The following ITGBL1 variants were observed in gnomAD, a reference collection of about 807,000 sequenced individuals.
The protein encoded by ITGBL1 is integrin subunit beta like 1.
In ITGBL1, 51 loss-of-function variants were observed where a neutral mutation model predicts 68.5. The observed-to-expected ratio is 0.74, with a 90% CI of 0.59 to 0.94. The LOEUF (loss-of-function observed/expected upper bound fraction) is 0.94, where lower values mean the gene tolerates loss of function less well. Among genes scored for constraint, ITGBL1 ranks in the 40% least tolerant of loss-of-function variants. The probability of loss-of-function intolerance (pLI) is 0.00; values close to 1 mark genes in which losing one functional copy is unlikely to be tolerated. For synonymous variants in ITGBL1, 209 were observed against 227.3 expected (o/e 0.92, Z 0.72); for missense variants, 649 against 647.4 (o/e 1.00, Z -0.03).
At chr13:101,713,149 G>A (rs2034554584) in intron 9 of ITGBL1, 1 of 152,140 alleles carries the variant, frequency 6.6e-6, no homozygotes, top group Non-Finnish European at 1.5e-5. Flanking sequence ...TTGGACTTTG[G>A]GGATTTTTGC....
chr13:101,570,448 T>C (rs910335431), intron 3 of ITGBL1, among the ~76,000 whole-genome samples: 3 of 152,172 alleles, frequency 2.0e-5, no homozygotes, highest in African/African-American at 4.8e-5. Context: ...GAAAATGGTA[T>C]TTGAATAAAA....
At chr13:101,692,480 G>A (rs2033901440) in intron 7 of ITGBL1, 105 bp from the exon 8 acceptor site, 1 of 752,056 alleles carries the variant, frequency 1.3e-6, no homozygotes, top group Admixed American at 1.8e-5. Context: ...GCACAGACTG[G>A]AACTATTCTA....
rs1242094686 is a variant in ITGBL1, at chr13:101,452,781, T to C, written c.-53T>C. ...CTCTCCCTCCTGCCGCCTCCCTCGG[T>C]GAACCCCACCTTGCAGAAGTGCAGC... is the stretch of plus-strand genomic sequence containing the variant. On this transcript the variant is annotated 5_prime_UTR_variant, in exon 1 of 11. Transcript: ENST00000376180. 5 of 1,487,410 alleles carry C rather than the reference T, an allele frequency of 3.4e-6. No homozygotes were observed. The highest frequency in any genetic ancestry group is 4.7e-6 in the Non-Finnish European group (5 of 1,066,024). 92.1% of individuals were successfully genotyped at this position (1,487,410 alleles called of 1,614,324 possible). A position where few individuals can be genotyped will look rare whatever the true frequency, so the allele number is the denominator to read the frequency against.
chr13:101,629,363 C>T, intron 7 of ITGBL1, among the ~76,000 whole-genome samples: 1 of 151,994 alleles, frequency 6.6e-6, no homozygotes, highest in African/African-American at 2.4e-5. Flanking sequence ...TTCTTCATAC[C>T]ATTTTTAATT....
chr13:101,488,793 A>T (rs980476586), intron 2 of ITGBL1, among the ~76,000 whole-genome samples: 1 of 152,184 alleles, frequency 6.6e-6, no homozygotes, highest in African/African-American at 2.4e-5. Flanking sequence ...CTCATTAAAG[A>T]TTAAAGAAGA....
At chr13:101,475,236 A>T (rs1005873008) in intron 2 of ITGBL1, among the ~76,000 whole-genome samples, 1 of 152,176 alleles carries the variant, frequency 6.6e-6, no homozygotes, top group African/African-American at 2.4e-5. Context: ...AATTTAGCAA[A>T]GAGATTGAAA....
At chr13:101,587,431 A>G (rs552902001) in intron 6 of ITGBL1, among the ~76,000 whole-genome samples, 52 of 152,270 alleles carry the variant, frequency 3.4e-4, no homozygotes, top group African/African-American at 1.1e-3. Flanking sequence ...GGTTGACACA[A>G]TTTGAGTGTG....
intron 7 of ITGBL1, among the ~76,000 whole-genome samples, chr13:101,601,168 T>C (rs2030352068): frequency 6.6e-6 from 1 of 152,016 alleles, no homozygotes; most frequent in African/African-American, 2.4e-5. Context: ...CTTGGGAGAG[T>C]GTATGTGTTG....
intron 8 of ITGBL1, among the ~76,000 whole-genome samples, chr13:101,696,926 G>A (rs2034016638): frequency 6.6e-6 from 1 of 152,204 alleles, no homozygotes; most frequent in Admixed American, 6.5e-5. Flanking sequence ...TGAACAACTA[G>A]TATTTAGATG....
At chr13:101,581,139 A>G (rs2050450964) in intron 5 of ITGBL1, among the ~76,000 whole-genome samples, 2 of 152,092 alleles carry the variant, frequency 1.3e-5, no homozygotes, top group South Asian at 4.1e-4. Flanking sequence ...CCCCATCTTC[A>G]GGGGCCAAAA....
Position 101,715,999 on chromosome 13 carries a change from C to T in ITGBL1, c.*345C>T, listed in dbSNP as rs1184958989. ...GCTGCAGACATTTGGTGGGTAGAGG[C>T]CAGGGATGCTGCTGAGCATCCCGCA... On this transcript the variant is annotated 3_prime_UTR_variant, in exon 11 of 11. Transcript: ENST00000376180. 3.9e-6 allele frequency: 1 copy of T among 256,276 alleles called. No individual in the cohort carries two copies. The highest frequency in any genetic ancestry group is 5.1e-5 in the Admixed American group (1 of 19,794). 15.9% of individuals were successfully genotyped at this position (256,276 alleles called of 1,614,324 possible). A position where few individuals can be genotyped will look rare whatever the true frequency, so the allele number is the denominator to read the frequency against.
intron 8 of ITGBL1, among the ~76,000 whole-genome samples, chr13:101,701,544 AAAT>A (rs1481835539): frequency 1.3e-5 from 2 of 152,026 alleles, no homozygotes; most frequent in Non-Finnish European, 1.5e-5. Context: ...AAATAAAATA[AAAT>A]AATAATAAAT....
At chr13:101,648,229 G>C (rs918789508) in intron 7 of ITGBL1, among the ~76,000 whole-genome samples, 1 of 152,078 alleles carries the variant, frequency 6.6e-6, no homozygotes, top group African/African-American at 2.4e-5. Context: ...CAACAAACTA[G>C]GACTGTTAGG....
chr13:101,476,048 A>T (rs1367075686), intron 2 of ITGBL1, among the ~76,000 whole-genome samples: 2 of 152,206 alleles, frequency 1.3e-5, no homozygotes, highest in African/African-American at 4.8e-5. Flanking sequence ...AGACAAATAC[A>T]GAATATTATA....
chr13:101,502,907 G>T (rs2048966764), intron 2 of ITGBL1, among the ~76,000 whole-genome samples: 1 of 152,258 alleles, frequency 6.6e-6, no homozygotes, highest in Non-Finnish European at 1.5e-5. Context: ...GTATTGGATT[G>T]TTCCTTAGTG....
At chr13:101,604,881 T>TACACAC (rs1292236214) in intron 7 of ITGBL1, among the ~76,000 whole-genome samples, 60 of 14,264 alleles carry the variant, frequency 4.2e-3, no homozygotes, top group South Asian at 8.7e-3. Context: ...TATATATATA[T>TACACAC]ATATATACAC....
intron 2 of ITGBL1, among the ~76,000 whole-genome samples, chr13:101,499,942 T>A (rs1436879132): frequency 6.6e-6 from 1 of 152,190 alleles, no homozygotes; most frequent in Non-Finnish European, 1.5e-5. Flanking sequence ...TGGACCTCAG[T>A]GTGGCTTTCC....
rs769477931 is a variant in ITGBL1 at position 101,583,283 on chromosome 13, T to C, written c.795T>C (p.His265=). 2.5e-6 allele frequency: 4 copies of C among 1,613,016 alleles called. No homozygotes were observed. The highest frequency in any genetic ancestry group is 3.4e-6 in the Non-Finnish European group (4 of 1,179,144). ...VDPTGDWGDI[H]GDTCECDERD... is the part of the protein sequence containing the mutation. ...CGACTGGGGACTGGGGAGATATTCA[T>C]GGGGACACCTGTGAATGTGATGAGA... The change falls in exon 6 of 11, where the codon CAT becomes CAC. Residue 265 remains histidine (H), a synonymous_variant. Transcript: ENST00000376180.
At chr13:101,616,821 A>G (rs549527579) in intron 7 of ITGBL1, among the ~76,000 whole-genome samples, 1 of 152,268 alleles carries the variant, frequency 6.6e-6, no homozygotes, top group Non-Finnish European at 1.5e-5. Flanking sequence ...GTACTCTCTG[A>G]TGTGCTTCCT....
Sources: allele counts gnomAD v4.1 joint callset (sites outside exome capture counted in the v4.1 genomes callset), GRCh38; gene constraint gnomAD v4.1.1; transcripts MANE v1.5; gene names NCBI Gene and HGNC (gene_info 2026-07-23, HGNC 2026-07-21).